Variants in IGF1R observed in about 807,000 individuals in gnomAD.
The protein encoded by IGF1R is insulin-like growth factor 1 receptor.
Under a neutral mutation model 144.6 loss-of-function variants are expected in IGF1R, and 44 were observed. That is an observed-to-expected ratio of 0.30 (90% confidence interval 0.24 to 0.39). IGF1R has a LOEUF of 0.39. Ranked by LOEUF, IGF1R falls within the 10% of genes least tolerant of loss-of-function variation. The pLI is 1.00. For missense variants in IGF1R, 1,355 were observed against 1,833.7 expected (o/e 0.74, Z 4.77); for synonymous variants, 795 against 722.8 (o/e 1.10, Z -1.60).
At chr15:98,719,496 G>C (rs940939499) in intron 2 of IGF1R, among the ~76,000 whole-genome samples, 1 of 152,168 alleles carries the variant, frequency 6.6e-6, no homozygotes, top group African/African-American at 2.4e-5. Context: ...AAAGTCACTG[G>C]GTGCCAAAGG....
intron 2 of IGF1R, among the ~76,000 whole-genome samples, chr15:98,827,261 A>G (rs2056911134): frequency 6.6e-6 from 1 of 151,028 alleles, no homozygotes; most frequent in African/African-American, 2.5e-5. Context: ...ATCCACTGAC[A>G]TAGGCATTTT....
intron 1 of IGF1R, among the ~76,000 whole-genome samples, chr15:98,702,039 T>TG (rs1567083892): frequency 1.3e-5 from 2 of 148,370 alleles, no homozygotes; most frequent in African/African-American, 2.5e-5. Context: ...CGCTGTTTTT[T>TG]TTTTTTTTTT....
chr15:98,730,779 A>G (rs2054479704), intron 2 of IGF1R, among the ~76,000 whole-genome samples: 1 of 152,264 alleles, frequency 6.6e-6, no homozygotes, highest in Non-Finnish European at 1.5e-5. Flanking sequence ...ATTTCAAGTC[A>G]GTTATTAAAG....
In IGF1R at chr15:98,891,201, C is replaced by T; in HGVS notation, c.641-124C>T. ...ATTTCGTAGTGTGTTTTTGCATTGT[C>T]TCCTCAATGAGTGATCTGGTGCTGG... is the stretch of plus-strand genomic sequence containing the variant. On this transcript the variant is annotated intron_variant, in intron 2 of 20. Coordinates refer to ENST00000650285, the MANE Select transcript of IGF1R (RefSeq NM_000875.5). This position sits in a 1 kb window ranked among gnomAD's most constrained non-coding sequence, Gnocchi z 4.7. The T allele has an allele frequency of 1.2e-6, 1 of 862,864 alleles. No homozygotes were observed. Among genetic ancestry groups the T allele is most frequent in the South Asian group, 1.4e-5 (1 of 70,070 alleles). The allele number at this position is 862,864 out of a possible 1,614,324, so 53.5% of individuals were successfully genotyped here.
At chr15:98,867,486 T>C (rs1251894434) in intron 2 of IGF1R, among the ~76,000 whole-genome samples, 1 of 152,188 alleles carries the variant, frequency 6.6e-6, no homozygotes, top group Non-Finnish European at 1.5e-5. Context: ...AAGTCACTGC[T>C]TGCACACTCC....
intron 2 of IGF1R, among the ~76,000 whole-genome samples, chr15:98,743,203 A>G (rs1191108045): frequency 6.6e-6 from 1 of 152,234 alleles, no homozygotes; most frequent in African/African-American, 2.4e-5. Flanking sequence ...GAAATTCATT[A>G]CTTTTAAAAA....
At chr15:98,949,799 C>G (rs992336976) in intron 20 of IGF1R, among the ~76,000 whole-genome samples, 1 of 152,150 alleles carries the variant, frequency 6.6e-6, no homozygotes, top group Non-Finnish European at 1.5e-5. Context: ...GAGAAGCCCC[C>G]CTTTTGGTGG....
chr15:98,907,609 C>T (rs2014795821), intron 5 of IGF1R, among the ~76,000 whole-genome samples: 1 of 152,228 alleles, frequency 6.6e-6, no homozygotes, highest in Non-Finnish European at 1.5e-5. Flanking sequence ...GAAGTCAACC[C>T]TGGCATTGTC....
At chr15:98,840,992 T>A (rs999773836) in intron 2 of IGF1R, among the ~76,000 whole-genome samples, 1 of 152,168 alleles carries the variant, frequency 6.6e-6, no homozygotes, top group South Asian at 2.1e-4. Context: ...TCCAGGCTGG[T>A]CTTGACTTCC....
chr15:98,806,886 C>T (rs773224735), intron 2 of IGF1R, among the ~76,000 whole-genome samples: 29 of 152,182 alleles, frequency 1.9e-4, no homozygotes, highest in East Asian at 3.9e-4. Flanking sequence ...ATTGGTCAGG[C>T]GCGGTGGCTC....
chr15:98,928,227 C>A (rs1186825183), intron 13 of IGF1R, among the ~76,000 whole-genome samples: 1 of 152,150 alleles, frequency 6.6e-6, no homozygotes, highest in Non-Finnish European at 1.5e-5. Context: ...TGAGCCTCAT[C>A]CTGGGGCCAT....
intron 1 of IGF1R, among the ~76,000 whole-genome samples, chr15:98,683,884 GA>G (rs1197269260): frequency 6.6e-6 from 1 of 152,104 alleles, no homozygotes; most frequent in Non-Finnish European, 1.5e-5. Context: ...GCTGTTAATT[GA>G]ATTGCTTGTT....
chr15:98,699,330 G>A (rs554266487), intron 1 of IGF1R, among the ~76,000 whole-genome samples: 13 of 152,336 alleles, frequency 8.5e-5, no homozygotes, highest in African/African-American at 1.9e-4. Context: ...CTCTGGCTCC[G>A]AGGGACTCTA....
chr15:98,854,411 C>T (rs1357810581), intron 2 of IGF1R, among the ~76,000 whole-genome samples: 2 of 152,194 alleles, frequency 1.3e-5, no homozygotes, highest in Non-Finnish European at 2.9e-5. Context: ...AGGGATTTTG[C>T]CTGGCACTCT....
At chr15:98,807,807 CT>C (rs2056500542) in intron 2 of IGF1R, among the ~76,000 whole-genome samples, 1 of 152,210 alleles carries the variant, frequency 6.6e-6, no homozygotes, top group Non-Finnish European at 1.5e-5. Context: ...ATGGGTCCTT[CT>C]TTCAAGCAGT....
chr15:98,833,336 T>C (rs2057035210), intron 2 of IGF1R, among the ~76,000 whole-genome samples: 1 of 152,238 alleles, frequency 6.6e-6, no homozygotes, highest in South Asian at 2.1e-4. Flanking sequence ...TACTTGTGAT[T>C]GACCTGGACC....
At chr15:98,786,221 G>T (rs1253197654) in intron 2 of IGF1R, among the ~76,000 whole-genome samples, 1 of 152,198 alleles carries the variant, frequency 6.6e-6, no homozygotes, top group African/African-American at 2.4e-5. Flanking sequence ...TTTGGGGTCA[G>T]CACCTGTTTG....
At chr15:98,763,015 C>T (rs2055344808) in intron 2 of IGF1R, among the ~76,000 whole-genome samples, 1 of 147,816 alleles carries the variant, frequency 6.8e-6, no homozygotes, top group South Asian at 2.2e-4. Flanking sequence ...CACTGCACTC[C>T]AGCCTGGCGA....
chr15:98,664,924 G>GC (rs1555429605), intron 1 of IGF1R, among the ~76,000 whole-genome samples: 2 of 143,762 alleles, frequency 1.4e-5, no homozygotes, highest in Admixed American at 7.0e-5. Flanking sequence ...TACATTTGCC[G>GC]TTTTTTTTTG....
Sources: gnomAD v4.1 joint callset for allele counts (sites outside exome capture counted in the v4.1 genomes callset) on GRCh38, gnomAD v4.1.1 for gene constraint, Gnocchi (gnomAD v3.1) non-coding constraint, MANE v1.5 for transcripts, NCBI Gene and HGNC (gene_info 2026-07-23, HGNC 2026-07-21) for gene names.